The following CAMK1D variants were observed in gnomAD, a reference collection of about 807,000 sequenced individuals.
CAMK1D encodes the protein calcium/calmodulin dependent protein kinase ID.
CAMK1D carries 9 observed loss-of-function variants against 47.7 expected under a neutral mutation model. That is an observed-to-expected ratio of 0.19 (90% CI 0.11 to 0.33). CAMK1D has a LOEUF of 0.33. Ranked by LOEUF, CAMK1D falls within the 10% of genes least tolerant of loss-of-function variation. The probability of loss-of-function intolerance (pLI) is 1.00; values close to 1 mark genes in which losing one functional copy is unlikely to be tolerated. For synonymous variants in CAMK1D, 184 were observed against 184.9 expected (o/e 0.99, Z 0.04); for missense variants, 291 against 488.7 (o/e 0.60, Z 3.81).
At chr10:12,580,429 G>T (rs1299018226) in intron 2 of CAMK1D, among the ~76,000 whole-genome samples, 1 of 145,812 alleles carries the variant, frequency 6.9e-6, no homozygotes, top group Non-Finnish European at 1.5e-5. Context: ...AGTATTTGGT[G>T]TACAAAGCTA....
intron 2 of CAMK1D, among the ~76,000 whole-genome samples, chr10:12,599,818 T>C (rs1337967893): frequency 6.6e-6 from 1 of 152,222 alleles, no homozygotes; most frequent in Admixed American, 6.5e-5. Context: ...ATGAGAAGAA[T>C]TGCAGAATTG....
chr10:12,736,580 C>T (rs868826532), intron 3 of CAMK1D, among the ~76,000 whole-genome samples: 3 of 152,054 alleles, frequency 2.0e-5, no homozygotes, highest in Non-Finnish European at 4.4e-5. Flanking sequence ...ATACAAAACC[C>T]AACAGAGAAT....
chr10:12,440,910 C>G (rs1832767201), intron 1 of CAMK1D, among the ~76,000 whole-genome samples: 1 of 152,208 alleles, frequency 6.6e-6, no homozygotes, highest in Admixed American at 6.5e-5. Context: ...CACTCTCTAA[C>G]CTTCTCTAAC....
intron 6 of CAMK1D, among the ~76,000 whole-genome samples, chr10:12,792,866 T>C (rs1263628158): frequency 1.3e-5 from 2 of 152,248 alleles, no homozygotes; most frequent in African/African-American, 2.4e-5. Flanking sequence ...GATCACCTTT[T>C]GCAGTTTTAT....
chr10:12,470,876 C>T (rs11257813), intron 1 of CAMK1D, among the ~76,000 whole-genome samples: 2,330 of 152,236 alleles, frequency 0.015, 50 homozygotes, highest in East Asian at 0.082. Context: ...GCCCAGTGTA[C>T]TGCCACCACC....
chr10:12,558,221 G>A (rs1346239902), intron 2 of CAMK1D, among the ~76,000 whole-genome samples: 1 of 152,230 alleles, frequency 6.6e-6, no homozygotes, highest in Non-Finnish European at 1.5e-5. Context: ...TATGATTTCT[G>A]TGGCATTATT....
chr10:12,799,551 G>C (rs1002511566), intron 6 of CAMK1D, among the ~76,000 whole-genome samples: 2 of 152,200 alleles, frequency 1.3e-5, no homozygotes, highest in Non-Finnish European at 2.9e-5. Flanking sequence ...CCGCATCATC[G>C]GTTAGCGCTT....
intron 3 of CAMK1D, among the ~76,000 whole-genome samples, chr10:12,734,343 AAAATATATAT>A (rs1835038745): frequency 1.8e-3 from 30 of 17,118 alleles, no homozygotes; most frequent in Non-Finnish European, 2.6e-3. Context: ...AAAAAAAAAA[AAAATATATAT>A]ATATATATAT....
intron 1 of CAMK1D, among the ~76,000 whole-genome samples, chr10:12,494,216 AG>A (rs1834469290): frequency 6.6e-6 from 1 of 152,176 alleles, no homozygotes; most frequent in Non-Finnish European, 1.5e-5. Flanking sequence ...AGTCCATCAG[AG>A]GAAGAGAAAT....
intron 1 of CAMK1D, among the ~76,000 whole-genome samples, chr10:12,353,029 G>A (rs892831571): frequency 3.9e-5 from 6 of 152,098 alleles, no homozygotes; most frequent in African/African-American, 1.2e-4. Context: ...GAGCTACTGC[G>A]CCCAGCCGCC....
chr10:12,533,510 T>C (rs538579432), intron 1 of CAMK1D, among the ~76,000 whole-genome samples: 37 of 152,350 alleles, frequency 2.4e-4, no homozygotes, highest in Non-Finnish European at 3.7e-4. Flanking sequence ...CCAGTCACAG[T>C]GTAGATACTA....
intron 8 of CAMK1D, among the ~76,000 whole-genome samples, chr10:12,821,265 T>G (rs1221672835): frequency 6.6e-6 from 1 of 152,172 alleles, no homozygotes; most frequent in Non-Finnish European, 1.5e-5. Context: ...GATTGAAATG[T>G]TCATCTCATC....
chr10:12,612,538 A>G (rs939402401), intron 2 of CAMK1D, among the ~76,000 whole-genome samples: 3 of 151,994 alleles, frequency 2.0e-5, no homozygotes, highest in African/African-American at 7.3e-5. Flanking sequence ...TGTGGGTTTA[A>G]TGGTGTCCTG....
chr10:12,492,196 G>C (rs1834406184), intron 1 of CAMK1D, among the ~76,000 whole-genome samples: 2 of 152,078 alleles, frequency 1.3e-5, no homozygotes, highest in African/African-American at 4.8e-5. Context: ...TGCAGGCCTG[G>C]CTCCTTCCAC....
At chr10:12,404,176 G>A (rs927626230) in intron 1 of CAMK1D, among the ~76,000 whole-genome samples, 2 of 151,994 alleles carry the variant, frequency 1.3e-5, no homozygotes, top group Non-Finnish European at 2.9e-5. Context: ...CTTCCCAGTA[G>A]TTGGGATTAC....
rs1833467449 is a variant in CAMK1D at position 12,834,179 on chromosome 10, G to A, written c.*5292G>A. The A allele has an allele frequency of 3.9e-5, 6 of 152,426 alleles. No homozygotes were observed. Among genetic ancestry groups the A allele is most frequent in the African/African-American group, 1.4e-4 (6 of 41,588 alleles). The allele number at this position is 152,426 out of a possible 1,614,324, so 9.4% of individuals were successfully genotyped here. A position where few individuals can be genotyped will look rare whatever the true frequency, so the allele number is the denominator to read the frequency against. The stretch of plus-strand genomic sequence containing the variant: ...AACCTCAACTCTGGGGAGCAGGCAG[G>A]CGGTCTGAGGAAGATAAGGGCCCAC... On this transcript the variant is annotated 3_prime_UTR_variant, in exon 11 of 11. Coordinates refer to ENST00000619168, the MANE Select transcript of CAMK1D (RefSeq NM_153498.4).
rs573723767 is a variant in CAMK1D at position 12,698,673 on chromosome 10, A to AT, written c.299+31881dup. On this transcript the variant is annotated intron_variant, in intron 3 of 10. Coordinates refer to ENST00000619168, the MANE Select transcript of CAMK1D (RefSeq NM_153498.4). ...GAAGAAAAATGATGCCCTTTAAAGA[A>AT]TTTTTTTTTTTTTTTTTTGAGACGG... 1.8e-3 allele frequency among the ~76,000 whole-genome samples: 192 copies of AT among 103,920 alleles called. 9 individuals carry two copies. In the East Asian group the frequency reaches 0.033, roughly 18 times the overall value. The allele number at this position is 103,920 out of a possible 152,430, so 68.2% of individuals were successfully genotyped here.
intron 6 of CAMK1D, among the ~76,000 whole-genome samples, chr10:12,795,313 G>A (rs1838151282): frequency 6.6e-6 from 1 of 152,178 alleles, no homozygotes; most frequent in Non-Finnish European, 1.5e-5. Flanking sequence ...TCAGAGGTGG[G>A]CACTGGATTT....
intron 1 of CAMK1D, among the ~76,000 whole-genome samples, chr10:12,373,069 T>C (rs1838049610): frequency 6.6e-6 from 1 of 152,298 alleles, no homozygotes; most frequent in African/African-American, 2.4e-5. Flanking sequence ...GCAAAGCGCT[T>C]GCTTAGGGCT....
Sources: gnomAD v4.1 joint callset for allele counts (sites outside exome capture counted in the v4.1 genomes callset) on GRCh38, gnomAD v4.1.1 for gene constraint, MANE v1.5 for transcripts, NCBI Gene and HGNC (gene_info 2026-07-23, HGNC 2026-07-21) for gene names.